The following BLVRA variants were observed in gnomAD, a reference collection of about 807,000 sequenced individuals.
BLVRA encodes the protein BVR A.
Under a neutral mutation model 32.8 loss-of-function variants are expected in BLVRA, and 22 were observed. The ratio of observed to expected loss-of-function variants is 0.67; its 90% CI spans 0.48 to 0.96. BLVRA has a LOEUF of 0.96. BLVRA is among the 40% of genes least tolerant of loss of function. The probability of loss-of-function intolerance (pLI) is 0.00; values close to 1 mark genes in which losing one functional copy is unlikely to be tolerated. For synonymous variants in BLVRA, 119 were observed against 141.3 expected (o/e 0.84, Z 1.12); for missense variants, 323 against 358.1 (o/e 0.90, Z 0.79).
intron 2 of BLVRA, among the ~76,000 whole-genome samples, chr7:43,783,074 G>A (rs1263396634): frequency 6.6e-6 from 1 of 152,100 alleles, no homozygotes; most frequent in Admixed American, 6.5e-5. Context: ...GCTATACACT[G>A]CAGAATTCTC....
chr7:43,800,569 A>G lies in BLVRA; in HGVS notation c.457A>G (p.Thr153Ala). 6.2e-7 allele frequency: 1 copy of G among 1,613,654 alleles called. No homozygotes were observed. The highest frequency in any genetic ancestry group is 8.5e-7 in the Non-Finnish European group (1 of 1,179,628). ...KDLLKGSLLF[T>A]AGPLEEERFG... ...CCTGCTGAAAGGGTCGCTCCTCTTC[A>G]CAGGTCAGTGCTACGTGGGATCACA... The change falls in exon 6 of 8, where the codon ACA becomes GCA. Residue 153 changes from threonine to alanine, a missense_variant. By Grantham distance (58) the Thr-to-Ala change is moderately conservative (BLOSUM62 0). Coordinates refer to ENST00000265523, the MANE Select transcript of BLVRA (RefSeq NM_000712.4).
At position 43,798,197 on chromosome 7, in the gene BLVRA, C is replaced by CCA. The variant is rs1377160080; in HGVS notation, c.353-2268_353-2267insCA. On this transcript the variant is annotated intron_variant, in intron 5 of 7. Coordinates refer to ENST00000265523, the MANE Select transcript of BLVRA (RefSeq NM_000712.4). ...TGACAGAGGGAGACTCCCCATCTCA[C>CCA]AAAAAAAAAAAAAAAAAAAAAAAAA... Among the ~76,000 whole-genome samples the CCA allele has an allele frequency of 1.5e-4, 7 of 45,206 alleles. No homozygotes were observed. The East Asian group carries it at 3.6e-3, about 23-fold the overall frequency. The allele number at this position is 45,206 out of a possible 152,430, so 29.7% of individuals were successfully genotyped here.
intron 6 of BLVRA, among the ~76,000 whole-genome samples, chr7:43,802,508 AT>A (rs2095799720): frequency 6.6e-6 from 1 of 151,946 alleles, no homozygotes; most frequent in East Asian, 1.9e-4. Context: ...ATATATATAT[AT>A]TTTTTTGATA....
chr7:43,803,014 G>A (rs1428540713), intron 6 of BLVRA, among the ~76,000 whole-genome samples: 2 of 152,160 alleles, frequency 1.3e-5, no homozygotes, highest in East Asian at 1.9e-4. Flanking sequence ...GACTACAGGC[G>A]TGAGCCACCA....
intron 5 of BLVRA, among the ~76,000 whole-genome samples, chr7:43,799,029 C>A (rs1034064881): frequency 6.6e-6 from 1 of 152,150 alleles, no homozygotes; most frequent in African/African-American, 2.4e-5. Context: ...AAAGCTTGTA[C>A]TTATTGCAAA....
At chr7:43,788,940 C>T (rs2095781917) in intron 3 of BLVRA, among the ~76,000 whole-genome samples, 1 of 151,916 alleles carries the variant, frequency 6.6e-6, no homozygotes, top group Non-Finnish European at 1.5e-5. Flanking sequence ...CACCCAGCCT[C>T]CCCCTTTTCT....
At chr7:43,762,112 G>A (rs1405056292) in intron 1 of BLVRA, among the ~76,000 whole-genome samples, 4 of 152,096 alleles carry the variant, frequency 2.6e-5, no homozygotes, top group African/African-American at 7.2e-5. Flanking sequence ...TTGAGAGGGC[G>A]TTTGAGGAGG....
chr7:43,789,586 T>C (rs2095782904), intron 3 of BLVRA, among the ~76,000 whole-genome samples: 1 of 152,176 alleles, frequency 6.6e-6, no homozygotes, highest in Non-Finnish European at 1.5e-5. Flanking sequence ...GACCTTTCCT[T>C]TTCCCTTAAG....
chr7:43,767,288 C>G, intron 1 of BLVRA: 1 of 1,117,522 alleles, frequency 8.9e-7, no homozygotes, highest in Non-Finnish European at 1.3e-6. Flanking sequence ...CACAACTACA[C>G]TGTGGAGCAC....
At chr7:43,792,077 A>G (rs1488821441) in intron 4 of BLVRA, among the ~76,000 whole-genome samples, 1 of 152,244 alleles carries the variant, frequency 6.6e-6, no homozygotes, top group African/African-American at 2.4e-5. Context: ...TGGTATCCAC[A>G]GAATGAAATC....
rs775256722 is a variant in BLVRA, at chr7:43,806,978, C to A, written c.634C>A (p.Pro212Thr). The A allele has an allele frequency of 2.5e-6, 4 of 1,613,748 alleles. No homozygotes were observed. In the Admixed American group the frequency reaches 6.7e-5, roughly 27 times the overall value. Residue 212 changes from proline (P) to threonine (T), a missense_variant and splice_region_variant, in exon 8 of 8, where the codon CCA becomes ACA. Coordinates refer to ENST00000265523, the MANE Select transcript of BLVRA (RefSeq NM_000712.4). Reference protein sequence around the residue: ...TVCLETEKKSPLSWIEEKGPG... With the variant: ...TVCLETEKKSTLSWIEEKGPG... ...TTCTTTTGTCTTTTGTCTTTGCAGT[C>A]CACTGTCATGGATTGAAGAAAAAGG...
At chr7:43,782,556 G>A (rs2095771211) in intron 2 of BLVRA, among the ~76,000 whole-genome samples, 1 of 152,134 alleles carries the variant, frequency 6.6e-6, no homozygotes, top group Non-Finnish European at 1.5e-5. Flanking sequence ...TTGGGAATGC[G>A]GCTTGGAAGA....
chr7:43,765,078 G>C (rs2095746329), intron 1 of BLVRA, among the ~76,000 whole-genome samples: 1 of 152,326 alleles, frequency 6.6e-6, no homozygotes, highest in Non-Finnish European at 1.5e-5. Context: ...CTGTTTTGCA[G>C]ACCGGCTGCA....
chr7:43,804,405 C>T (rs1371960471), intron 7 of BLVRA, among the ~76,000 whole-genome samples: 1 of 152,040 alleles, frequency 6.6e-6, no homozygotes, highest in African/African-American at 2.4e-5. Context: ...CAGGCCACTG[C>T]ATTTCAGCCT....
At chr7:43,759,348 A>T (rs1464953634) in intron 1 of BLVRA, among the ~76,000 whole-genome samples, 1 of 152,284 alleles carries the variant, frequency 6.6e-6, no homozygotes, top group African/African-American at 2.4e-5. Flanking sequence ...AATATGGCTA[A>T]TAATGAGGGT....
chr7:43,761,669 T>G (rs141582044), intron 1 of BLVRA, among the ~76,000 whole-genome samples: 1 of 152,330 alleles, frequency 6.6e-6, no homozygotes, highest in African/African-American at 2.4e-5. Context: ...GACTTCATTA[T>G]CAGAGCACCT....
chr7:43,766,999 C>A (rs1048593565), intron 1 of BLVRA, among the ~76,000 whole-genome samples: 1 of 152,004 alleles, frequency 6.6e-6, no homozygotes, highest in Non-Finnish European at 1.5e-5. Flanking sequence ...AAACCCTGAC[C>A]CTGAAAAATA....
upstream of BLVRA, among the ~76,000 whole-genome samples, chr7:43,758,228 C>G (rs2095738122): frequency 6.6e-6 from 1 of 151,828 alleles, no homozygotes. Flanking sequence ...TAAGCCTCGG[C>G]GCCAGTTCAG....
intron 6 of BLVRA, 100 bp downstream of exon 6, chr7:43,800,672 A>G: frequency 9.1e-7 from 1 of 1,101,866 alleles, no homozygotes; most frequent in Admixed American, 1.9e-5. Context: ...ATTTCTGCTC[A>G]AGACTCTCTG....
Sources: allele counts gnomAD v4.1 joint callset (sites outside exome capture counted in the v4.1 genomes callset), GRCh38; gene constraint gnomAD v4.1.1; transcripts MANE v1.5; gene names NCBI Gene and HGNC (gene_info 2026-07-23, HGNC 2026-07-21).